Variants in GALNT18 observed in about 807,000 individuals in gnomAD.
The protein encoded by GALNT18 is polypeptide N-acetylgalactosaminyltransferase 18.
A neutral mutation model predicts 69.5 loss-of-function variants in GALNT18; 44 were observed. The ratio of observed to expected loss-of-function variants is 0.63; its 90% CI spans 0.50 to 0.81. GALNT18 has a LOEUF of 0.81. GALNT18 is among the 40% of genes least tolerant of loss of function. The pLI is 0.00. For missense variants in GALNT18, 715 were observed against 810.0 expected, an observed-to-expected ratio of 0.88 and a Z score of 1.42; for synonymous variants, 364 against 318.2, an observed-to-expected ratio of 1.14 and a Z score of -1.53.
At chr11:11,350,040 C>A (rs1215359209) in intron 6 of GALNT18, among the ~76,000 whole-genome samples, 1 of 152,184 alleles carries the variant, frequency 6.6e-6, no homozygotes, top group Non-Finnish European at 1.5e-5. Flanking sequence ...GAAAGGGATC[C>A]CTCATAACTA....
At chr11:11,558,945 C>T (rs145705367) in intron 1 of GALNT18, among the ~76,000 whole-genome samples, 125 of 152,362 alleles carry the variant, frequency 8.2e-4, no homozygotes, top group South Asian at 6.8e-3. Context: ...AGAGAGGCTG[C>T]ACAGCACAGG....
intron 1 of GALNT18, among the ~76,000 whole-genome samples, chr11:11,607,993 G>A (rs1859795161): frequency 6.6e-6 from 1 of 152,208 alleles, no homozygotes; most frequent in Non-Finnish European, 1.5e-5. Flanking sequence ...AACAAGGGCA[G>A]GTCCCCAGTC....
At chr11:11,401,053 G>A (rs948286795) in intron 3 of GALNT18, among the ~76,000 whole-genome samples, 9 of 152,164 alleles carry the variant, frequency 5.9e-5, no homozygotes, top group African/African-American at 2.2e-4. Flanking sequence ...GCAGTAGTGA[G>A]ACGAGATCAG....
In GALNT18 at chr11:11,523,624, C is replaced by A. The variant is rs914176573; in HGVS notation, c.236-74688G>T. Among the ~76,000 whole-genome samples, 1 of 151,242 alleles carries A rather than the reference C, an allele frequency of 6.6e-6. No individual in the cohort carries two copies. The highest frequency in any genetic ancestry group is 2.4e-5 in the African/African-American group (1 of 41,048). ...GTCCCAGCTACTCGGGAGGCTGAGG[C>A]AGGAGAATGGTGAGAACCCGGGAGG... On this transcript the variant is annotated intron_variant, in intron 1 of 10. Transcript: ENST00000227756. This position sits in a 1 kb window ranked among gnomAD's most constrained non-coding sequence, Gnocchi z 4.3.
In GALNT18 at chr11:11,305,846, C is replaced by T. The variant is rs537091634; in HGVS notation, c.1513-12653G>A. Among the ~76,000 whole-genome samples the T allele has an allele frequency of 2.6e-5, 4 of 152,316 alleles. No individual in the cohort carries two copies. In the South Asian group the frequency reaches 6.2e-4, roughly 24 times the overall value. On this transcript the variant is annotated intron_variant, in intron 9 of 10. Transcript: ENST00000227756. ...GAACCTCTGCTTATTACATGATATA[C>T]ACTCAAAACATATTAATTGAATCAA...
In GALNT18 at chr11:11,383,891, C is replaced by T. The variant is rs1470954941; in HGVS notation, c.596-4627G>A. Among the ~76,000 whole-genome samples, 1 of 152,064 alleles carries T rather than the reference C, an allele frequency of 6.6e-6. No individual in the cohort carries two copies. Among genetic ancestry groups the T allele is most frequent in the Non-Finnish European group, 1.5e-5 (1 of 68,016 alleles). On this transcript the variant is annotated intron_variant, in intron 3 of 10. Transcript: ENST00000227756. This position sits in a 1 kb window ranked among gnomAD's most constrained non-coding sequence, Gnocchi z 5.2. ...CACCTTGTGAAGAAGGTGACTGTTT[C>T]TCCTTCACCTTCTGCCATAATTGTA...
Position 11,454,988 on chromosome 11 carries a change from A to T in GALNT18, c.236-6052T>A, listed in dbSNP as rs118097713. On this transcript the variant is annotated intron_variant, in intron 1 of 10. Transcript: ENST00000227756. This position sits in a 1 kb window ranked among gnomAD's most constrained non-coding sequence, Gnocchi z 4.2. ...GGCTGACTCCTTCCTCATTGTTGAC[A>T]TTGAAATTCTCCCTGAGGGAACCAG... is the stretch of plus-strand genomic sequence containing the variant. Among the ~76,000 whole-genome samples the T allele has an allele frequency of 1.9e-3, 284 of 152,294 alleles. No homozygotes were observed. The highest frequency in any genetic ancestry group is 3.3e-3 in the Non-Finnish European group (227 of 68,016).
At chr11:11,424,976 A>G (rs1855095065) in intron 3 of GALNT18, among the ~76,000 whole-genome samples, 1 of 152,098 alleles carries the variant, frequency 6.6e-6, no homozygotes, top group South Asian at 2.1e-4. Context: ...CCTGTGCGGG[A>G]GGATGTGGTC....
chr11:11,530,330 C>T (rs756606375), intron 1 of GALNT18, among the ~76,000 whole-genome samples: 23 of 152,146 alleles, frequency 1.5e-4, no homozygotes, highest in Admixed American at 6.5e-4. Context: ...AGTCCTCTTC[C>T]CTGGGCTGCT....
rs1038851863 is a variant in GALNT18 at position 11,618,343 on chromosome 11, G to A, written c.235+3016C>T. ...CATCAGCACTCATCCATTCATCCAC[G>A]CTTCCACCCCACAGCTACTTTCTGC... is the stretch of plus-strand genomic sequence containing the variant. On this transcript the variant is annotated intron_variant, in intron 1 of 10. Coordinates refer to ENST00000227756, the MANE Select transcript of GALNT18 (RefSeq NM_198516.3). The surrounding 1 kb of genome is among the most constrained non-coding windows in gnomAD (Gnocchi z 6.1). Among the ~76,000 whole-genome samples the A allele has an allele frequency of 2.6e-5, 4 of 152,154 alleles. No homozygotes were observed. Among genetic ancestry groups the A allele is most frequent in the Admixed American group, 6.5e-5 (1 of 15,284 alleles).
intron 6 of GALNT18, among the ~76,000 whole-genome samples, chr11:11,367,977 T>C (rs1850809174): frequency 6.6e-6 from 1 of 152,236 alleles, no homozygotes; most frequent in African/African-American, 2.4e-5. Context: ...GCCTGAATGT[T>C]TAGCTCTAGA....
chr11:11,395,699 A>G (rs949604109), intron 3 of GALNT18, among the ~76,000 whole-genome samples: 1 of 152,204 alleles, frequency 6.6e-6, no homozygotes, highest in African/African-American at 2.4e-5. Context: ...TGCAAAGAAA[A>G]GAGAGAAGGA....
At chr11:11,303,343 T>C (rs1183561528) in intron 9 of GALNT18, among the ~76,000 whole-genome samples, 1 of 152,200 alleles carries the variant, frequency 6.6e-6, no homozygotes, top group East Asian at 1.9e-4. Context: ...TGCTAACCTG[T>C]GCATTCACAT....
Position 11,383,876 on chromosome 11 carries a change from A to G in GALNT18, c.596-4612T>C, listed in dbSNP as rs554370806. Among the ~76,000 whole-genome samples the G allele has an allele frequency of 2.9e-4, 44 of 151,974 alleles. No individual in the cohort carries two copies. The highest frequency in any genetic ancestry group is 1.0e-3 in the African/African-American group (42 of 41,436). On this transcript the variant is annotated intron_variant, in intron 3 of 10. Coordinates refer to ENST00000227756, the MANE Select transcript of GALNT18 (RefSeq NM_198516.3). The surrounding 1 kb of genome is among the most constrained non-coding windows in gnomAD (Gnocchi z 5.2). ...CCCTCTCTCTCCTGCCACCTTGTGA[A>G]GAAGGTGACTGTTTCTCCTTCACCT...
intron 10 of GALNT18, among the ~76,000 whole-genome samples, chr11:11,292,275 G>A (rs1478172524): frequency 6.6e-6 from 1 of 152,110 alleles, no homozygotes; most frequent in African/African-American, 2.4e-5. Flanking sequence ...TCCTACCTTA[G>A]CAGATTCCCT....
intron 2 of GALNT18, among the ~76,000 whole-genome samples, chr11:11,442,970 G>T (rs1283526824): frequency 6.6e-6 from 1 of 152,202 alleles, no homozygotes; most frequent in Non-Finnish European, 1.5e-5. Flanking sequence ...GCCTTGAGCT[G>T]CCTTGGAGGG....
At chr11:11,274,148 C>G (rs1335578212) in intron 10 of GALNT18, among the ~76,000 whole-genome samples, 1 of 152,184 alleles carries the variant, frequency 6.6e-6, no homozygotes, top group Admixed American at 6.5e-5. Context: ...ACAGTGCACT[C>G]CGGCTCAGAT....
In GALNT18 at chr11:11,307,910, G is replaced by A. The variant is rs766744884; in HGVS notation, c.1513-14717C>T. 3.9e-5 allele frequency among the ~76,000 whole-genome samples: 6 copies of A among 152,312 alleles called. No homozygotes were observed. In the South Asian group the frequency reaches 8.3e-4, roughly 21 times the overall value. On this transcript the variant is annotated intron_variant, in intron 9 of 10. Transcript: ENST00000227756. ...GATGGGAACGAAGTTCAGTTGCCACGAGGACAGACAGAGTTTTGGAAGTGG... is the reference window on the plus strand; with the variant it reads ...GATGGGAACGAAGTTCAGTTGCCACAAGGACAGACAGAGTTTTGGAAGTGG...
At position 11,404,894 on chromosome 11, in the gene GALNT18, C is replaced by G. The variant is rs1854554846; in HGVS notation, c.596-25630G>C. 6.6e-6 allele frequency among the ~76,000 whole-genome samples: 1 copy of G among 152,188 alleles called. No individual in the cohort carries two copies. Among genetic ancestry groups the G allele is most frequent in the Non-Finnish European group, 1.5e-5 (1 of 68,042 alleles). On this transcript the variant is annotated intron_variant, in intron 3 of 10. Coordinates refer to ENST00000227756, the MANE Select transcript of GALNT18 (RefSeq NM_198516.3). The surrounding 1 kb of genome is among the most constrained non-coding windows in gnomAD (Gnocchi z 4.5). ...GCAGACCCGGACTCCACTCCCAGCC[C>G]ATGGCCACCCAGGCCAATCATGTTT...
Sources: gnomAD v4.1 joint callset for allele counts (sites outside exome capture counted in the v4.1 genomes callset) on GRCh38, gnomAD v4.1.1 for gene constraint, Gnocchi (gnomAD v3.1) non-coding constraint, MANE v1.5 for transcripts, NCBI Gene and HGNC (gene_info 2026-07-23, HGNC 2026-07-21) for gene names.